The following ARMC2 variants were observed in gnomAD, a reference collection of about 807,000 sequenced individuals.
ARMC2 encodes armadillo repeat-containing protein 2.
ARMC2 carries 67 observed loss-of-function variants against 90.3 expected under a neutral mutation model. The ratio of observed to expected loss-of-function variants is 0.74; its 90% confidence interval spans 0.61 to 0.91. The LOEUF (loss-of-function observed/expected upper bound fraction) is 0.91. Among genes scored for constraint, ARMC2 ranks in the 40% least tolerant of loss-of-function variants. The pLI is 0.00. For synonymous variants in ARMC2, 393 were observed against 393.0 expected, an observed-to-expected ratio of 1.00 and a Z score of 0.00; for missense variants, 920 against 1,030.9, an observed-to-expected ratio of 0.89 and a Z score of 1.47.
At position 108,897,695 on chromosome 6, in the gene ARMC2, C is replaced by T. The variant is rs114395136; in HGVS notation, c.749-1999C>T. The stretch of plus-strand genomic sequence containing the variant: ...TAGATTGCACAGCGTCCCTGCTTCT[C>T]CTGGGTGACATCAGCACCATTTGAT... On this transcript the variant is annotated intron_variant, in intron 6 of 17. Transcript: ENST00000392644. 4.2e-3 allele frequency among the ~76,000 whole-genome samples: 636 copies of T among 152,104 alleles called. 3 individuals are homozygous for T. Among genetic ancestry groups the T allele is most frequent in the African/African-American group, 0.014 (596 of 41,492 alleles).
At chr6:108,904,182 ACTTAAC>A in intron 7 of ARMC2, 42 bp from the exon 8 acceptor site, 1 of 1,592,622 alleles carries the variant, frequency 6.3e-7, no homozygotes, top group African/African-American at 1.4e-5. Context: ...ACACTTGGAA[ACTTAAC>A]CTTAATTAGT....
At chr6:108,895,501 A>G (rs77505447) in intron 6 of ARMC2, among the ~76,000 whole-genome samples, 6 of 149,644 alleles carry the variant, frequency 4.0e-5, no homozygotes, top group African/African-American at 1.0e-4. Flanking sequence ...AAAAAAAAAA[A>G]GATAATTGCT....
chr6:108,921,881 A>C (rs184479460), intron 10 of ARMC2, among the ~76,000 whole-genome samples: 3 of 152,320 alleles, frequency 2.0e-5, no homozygotes, highest in Admixed American at 6.5e-5. Flanking sequence ...GATATTCCAG[A>C]TGATTGCAAA....
At position 108,973,515 on chromosome 6, in the gene ARMC2, C is replaced by T. The variant is rs762954612; in HGVS notation, c.*1C>T. 1.2e-6 allele frequency: 2 copies of T among 1,608,126 alleles called. No individual in the cohort carries two copies. The highest frequency in any genetic ancestry group is 3.4e-5 in the Admixed American group (2 of 59,586). On this transcript the variant is annotated 3_prime_UTR_variant, in exon 18 of 18. Transcript: ENST00000392644. The stretch of plus-strand genomic sequence containing the variant: ...ACCCCTGCCCATTCCCTCTTTCTAA[C>T]ATGATGCAGATTAACAGTAGAAACG...
At chr6:109,051,315 C>A in the ARMC2 span, among the ~76,000 whole-genome samples, 3 of 150,210 alleles carry the variant, frequency 2.0e-5, no homozygotes, top group Non-Finnish European at 4.5e-5. Flanking sequence ...ATTTACCAAA[C>A]ATTGAAACTG....
At chr6:109,052,538 CACTT>C in the ARMC2 span, among the ~76,000 whole-genome samples, 3 of 152,080 alleles carry the variant, frequency 2.0e-5, no homozygotes, top group Non-Finnish European at 1.5e-5. Flanking sequence ...CTTCAATGTT[CACTT>C]AAAGTTTTAA....
the ARMC2 span, among the ~76,000 whole-genome samples, chr6:108,989,512 TATATAG>T: frequency 6.6e-6 from 1 of 150,892 alleles, no homozygotes; most frequent in East Asian, 1.9e-4. Context: ...TATCTATATA[TATATAG>T]AGAGATATCT....
intron 13 of ARMC2, among the ~76,000 whole-genome samples, chr6:108,955,144 A>C (rs1195548317): frequency 6.6e-6 from 1 of 152,214 alleles, no homozygotes; most frequent in Non-Finnish European, 1.5e-5. Context: ...GTCACATTGA[A>C]GGGATAGGGC....
chr6:108,862,687 TGGAGAGAGAG>T (rs1473495633), intron 3 of ARMC2, among the ~76,000 whole-genome samples: 1 of 152,036 alleles, frequency 6.6e-6, no homozygotes. Flanking sequence ...AGGAGATAAC[TGGAGAGAGAG>T]GGAGAGAGAG....
the ARMC2 span, among the ~76,000 whole-genome samples, chr6:108,980,418 T>A: frequency 2.6e-5 from 4 of 151,124 alleles, no homozygotes; most frequent in Non-Finnish European, 5.9e-5. Flanking sequence ...CCGTATGAAG[T>A]ATCTGTTGGT....
chr6:108,989,445 A>G, the ARMC2 span, among the ~76,000 whole-genome samples: 1 of 149,216 alleles, frequency 6.7e-6, no homozygotes, highest in African/African-American at 2.6e-5. Flanking sequence ...AGATCTAGAT[A>G]CATCTCTATA....
intron 12 of ARMC2, 117 bp downstream of exon 12, chr6:108,937,116 AAATG>A: frequency 1.0e-5 from 9 of 898,126 alleles, no homozygotes; most frequent in South Asian, 1.8e-5. Context: ...AACTTCCATT[AAATG>A]TATAATGGGC....
At chr6:108,903,077 A>G (rs144116446) in intron 7 of ARMC2, among the ~76,000 whole-genome samples, 173 of 152,262 alleles carry the variant, frequency 1.1e-3, no homozygotes, top group African/African-American at 4.0e-3. Context: ...CTGAGGCAGG[A>G]GGATTGCTTG....
intron 15 of ARMC2, 111 bp downstream of exon 15, chr6:108,962,238 T>C: frequency 1.1e-6 from 1 of 925,852 alleles, no homozygotes; most frequent in South Asian, 1.5e-5. Context: ...TTTTGAGATT[T>C]GTAAAGCTTC....
intron 6 of ARMC2, among the ~76,000 whole-genome samples, chr6:108,898,280 TTCTCTCTC>T (rs141987868): frequency 6.6e-6 from 1 of 151,430 alleles, no homozygotes; most frequent in Non-Finnish European, 1.5e-5. Context: ...TCTCTGTCTC[TTCTCTCTC>T]TCTCTCTTCC....
chr6:108,892,031 G>GT (rs556015219), intron 5 of ARMC2, among the ~76,000 whole-genome samples: 106 of 152,278 alleles, frequency 7.0e-4, no homozygotes, highest in African/African-American at 2.4e-3. Flanking sequence ...TGGTATTTAT[G>GT]TAGGCAACCT....
the ARMC2 span, among the ~76,000 whole-genome samples, chr6:108,996,690 A>G: frequency 2.6e-5 from 4 of 152,260 alleles, no homozygotes; most frequent in East Asian, 3.9e-4. Flanking sequence ...TGTGTAAGAA[A>G]ACTCTTTTTT....
At chr6:109,017,063 C>A in the ARMC2 span, among the ~76,000 whole-genome samples, 1 of 151,450 alleles carries the variant, frequency 6.6e-6, no homozygotes, top group Admixed American at 6.6e-5. Context: ...TAGACCAGAC[C>A]CAGGACAGGC....
chr6:109,027,476 C>CAAAAAAAAAAA, the ARMC2 span, among the ~76,000 whole-genome samples: 1 of 27,326 alleles, frequency 3.7e-5, no homozygotes, highest in Non-Finnish European at 7.7e-5. Flanking sequence ...GACTCTGTCT[C>CAAAAAAAAAAA]AAAAAAAAAA....
Sources: allele counts gnomAD v4.1 joint callset (sites outside exome capture counted in the v4.1 genomes callset), GRCh38; gene constraint gnomAD v4.1.1; transcripts MANE v1.5; gene names NCBI Gene and HGNC (gene_info 2026-07-23, HGNC 2026-07-21).